Variants in CPNE9 observed in about 807,000 individuals in gnomAD.
The protein encoded by CPNE9 is copine family member 9, also known as copine-9.
Under a neutral mutation model 83.0 loss-of-function variants are expected in CPNE9, and 59 were observed. That is an observed-to-expected ratio of 0.71 (90% CI 0.58 to 0.88). The LOEUF is 0.88. CPNE9 is among the 40% of genes least tolerant of loss of function. The pLI, the probability that CPNE9 is intolerant of heterozygous loss-of-function variation, is 0.00. For synonymous variants in CPNE9, 256 were observed against 273.4 expected (o/e 0.94, Z 0.63); for missense variants, 619 against 720.8 (o/e 0.86, Z 1.62).
At chr3:9,718,279 C>A in intron 16 of CPNE9, 69 bp downstream of exon 16, 3 of 1,484,106 alleles carry the variant, frequency 2.0e-6, no homozygotes, top group Non-Finnish European at 2.8e-6. Context: ...TGATTTTGTT[C>A]TGTTTACATT....
At chr3:9,706,525 G>C (rs1388348401) in intron 7 of CPNE9, among the ~76,000 whole-genome samples, 1 of 152,212 alleles carries the variant, frequency 6.6e-6, no homozygotes, top group Non-Finnish European at 1.5e-5. Flanking sequence ...GTCAGCCACT[G>C]TTAAAGGGGA....
In CPNE9 at chr3:9,718,477, C is replaced by A. The variant is rs1243653614; in HGVS notation, c.1116C>A (p.Asn372Lys). 3 of 1,612,416 alleles carry A rather than the reference C, an allele frequency of 1.9e-6. No homozygotes were observed. The highest frequency in any genetic ancestry group is 2.5e-6 in the Non-Finnish European group (3 of 1,179,394). ...EGRISHQFPL[N>K]NNDEDPNCAG... The stretch of plus-strand genomic sequence containing the variant: ...TGGCAGGGCATATTCTTTGACAGAA[C>A]AACAATGATGAGGACCCCAACTGTG... The change falls in exon 17 of 21, where the codon AAC (asparagine) becomes AAA (lysine). Residue 372 changes from asparagine to lysine, a missense_variant and splice_region_variant. Transcript: ENST00000383832.
intron 7 of CPNE9, among the ~76,000 whole-genome samples, chr3:9,709,544 GT>G (rs1212382249): frequency 6.6e-6 from 1 of 151,114 alleles, no homozygotes; most frequent in Non-Finnish European, 1.5e-5. Flanking sequence ...AATTTTTGTA[GT>G]TTTTAGTAGA....
rs199944974 is a variant in CPNE9, at chr3:9,706,068, G to C, written c.377+5G>C. On this transcript the variant is annotated splice_donor_5th_base_variant and intron_variant, in intron 7 of 20. Coordinates refer to ENST00000383832, the MANE Select transcript of CPNE9 (RefSeq NM_153635.3). ...CCGAGTAGAGCGAACCCTCACGTAAGCTGAATAGGAAGGGGTGTGGGAGTG... is the reference window on the plus strand; with the variant it reads ...CCGAGTAGAGCGAACCCTCACGTAACCTGAATAGGAAGGGGTGTGGGAGTG... The C allele has an allele frequency of 1.5e-5, 25 of 1,613,192 alleles. No individual in the cohort carries two copies. The highest frequency in any genetic ancestry group is 2.0e-5 in the Non-Finnish European group (24 of 1,179,918).
At chr3:9,713,427 T>C (rs1349580216) in intron 10 of CPNE9, among the ~76,000 whole-genome samples, 2 of 151,788 alleles carry the variant, frequency 1.3e-5, no homozygotes, top group African/African-American at 4.8e-5. Context: ...AATTGATGGG[T>C]GGGTAGAGGG....
intron 11 of CPNE9, 147 bp downstream of exon 11, chr3:9,715,102 C>T (rs921704085): frequency 2.2e-6 from 2 of 905,518 alleles, no homozygotes; most frequent in African/African-American, 1.7e-5. Flanking sequence ...CAACTGATCC[C>T]CCCAATTGTC....
rs1376527113 is a variant in CPNE9, at chr3:9,717,745, G to T, written c.932-284G>T. Among the ~76,000 whole-genome samples, 7 of 152,052 alleles carry T rather than the reference G, an allele frequency of 4.6e-5. No homozygotes were observed. In the South Asian group the frequency reaches 1.0e-3, roughly 23 times the overall value. On this transcript the variant is annotated intron_variant, in intron 15 of 20. Coordinates refer to ENST00000383832, the MANE Select transcript of CPNE9 (RefSeq NM_153635.3). ...GGATAGCTGCATAAGAGAATGGAGA[G>T]ATTGGTGGATAAAGATGTATAAGTA...
Position 9,705,736 on chromosome 3 carries a change from G to A in CPNE9, c.300+16G>A. 6.2e-7 allele frequency: 1 copy of A among 1,613,476 alleles called. No homozygotes were observed. The highest frequency in any genetic ancestry group is 8.5e-7 in the Non-Finnish European group (1 of 1,179,542). On this transcript the variant is annotated intron_variant, in intron 6 of 20. Transcript: ENST00000383832. ...CCTGCAGAAGGTGAGGCTGAATGGG[G>A]CTGGGCAGAGGTTGGGGGTGGGGGT... is the stretch of plus-strand genomic sequence containing the variant.
Position 9,718,065 on chromosome 3 carries a change from G to A in CPNE9, c.968G>A (p.Ser323Asn). 6.2e-7 allele frequency: 1 copy of A among 1,614,012 alleles called. No individual in the cohort carries two copies. ...PLQPTSLHYM[S>N]PYQLSAYAMA... The stretch of plus-strand genomic sequence containing the variant: ...CAGCCTACCTCCCTGCACTACATGA[G>A]TCCCTACCAGCTCAGCGCCTATGCC... The change falls in exon 16 of 21, where the codon AGT becomes AAT. Residue 323 changes from serine (S) to asparagine (N), a missense_variant. Physicochemically the swap from Ser to Asn is conservative, Grantham distance 46. Around this residue, in one of 3 missense-constraint regions of CPNE9, gnomAD observed 438 missense variants for 562.9 expected, o/e 0.78. Coordinates refer to ENST00000383832, the MANE Select transcript of CPNE9 (RefSeq NM_153635.3).
At chr3:9,727,036 G>A in intron 19 of CPNE9, 77 bp from the exon 20 acceptor site, 1 of 1,479,898 alleles carries the variant, frequency 6.8e-7, no homozygotes, top group Non-Finnish European at 9.4e-7. Context: ...TGACTCCAAA[G>A]GGGAGCTCAA....
Position 9,727,374 on chromosome 3 carries a change from G to C in CPNE9, c.1476+188G>C, listed in dbSNP as rs1391444555. The C allele has an allele frequency of 1.9e-5, 14 of 753,948 alleles. 1 individual carries two copies. The highest frequency in any genetic ancestry group is 1.0e-4 in the Admixed American group (5 of 50,102). 46.7% of individuals were successfully genotyped at this position (753,948 alleles called of 1,614,324 possible). The stretch of plus-strand genomic sequence containing the variant: ...AGGTTGCTGCAGCCTTGGCACATCC[G>C]TGGTGTAGGTCGGGAGGTCCCCAAG... On this transcript the variant is annotated intron_variant, in intron 20 of 20. Coordinates refer to ENST00000383832, the MANE Select transcript of CPNE9 (RefSeq NM_153635.3).
chr3:9,705,419 T>TACCCCCCCCCCCCCCC, intron 4 of CPNE9, 45 bp from the exon 5 acceptor site: 1 of 662,632 alleles, frequency 1.5e-6, no homozygotes, highest in Non-Finnish European at 2.7e-6. Context: ...TTCCACCCTC[T>TACCCCCCCCCCCCCCC]CCCCCACCCA....
At chr3:9,727,582 T>C in intron 20 of CPNE9, 1 of 602,070 alleles carries the variant, frequency 1.7e-6, no homozygotes, top group South Asian at 2.0e-5. Flanking sequence ...AGGGAGGGGA[T>C]AAGCATTACA....
chr3:9,729,014 A>G (rs1158351389), intron 20 of CPNE9, among the ~76,000 whole-genome samples: 1 of 152,128 alleles, frequency 6.6e-6, no homozygotes, highest in Non-Finnish European at 1.5e-5. Context: ...GTATGAAATC[A>G]TCCAGGAAGA....
At chr3:9,726,574 C>A (rs1163350113) in intron 18 of CPNE9, 91 bp from the exon 19 acceptor site, 2 of 978,998 alleles carry the variant, frequency 2.0e-6, no homozygotes, top group East Asian at 2.4e-5. Flanking sequence ...TGTGCAGAAC[C>A]ATGACACACA....
In CPNE9 at chr3:9,714,923, G is replaced by A. The variant is rs71314360; in HGVS notation, c.660G>A (p.Lys220=). The change falls in exon 11 of 21, where the codon AAG becomes AAA. Residue 220 remains lysine, a synonymous_variant. Coordinates refer to ENST00000383832, the MANE Select transcript of CPNE9 (RefSeq NM_153635.3). ...ATCTCCTACATTTCAGAACGGTGAA[G>A]ATTGATGTGTACGACTGGGACCGGG... ...LCNGDYDRTV[K]IDVYDWDRDG... is the part of the protein sequence containing the mutation. The A allele has an allele frequency of 6.2e-7, 1 of 1,613,846 alleles. No homozygotes were observed.
chr3:9,715,356 G>A lies in CPNE9; in HGVS notation c.760G>A (p.Val254Ile). ...GAGCAAGGCCCAGAACCAGTTCACA[G>A]TATATGAGGTGAGCATTCCAGCCCT... ...ELSKAQNQFT[V>I]YEVLNPRKKC... The change falls in exon 12 of 21, where the codon GTA becomes ATA. Residue 254 changes from valine (V) to isoleucine (I), a missense_variant. By Grantham distance (29) the Val-to-Ile change is conservative. Coordinates refer to ENST00000383832, the MANE Select transcript of CPNE9 (RefSeq NM_153635.3). 1.9e-6 allele frequency: 3 copies of A among 1,614,236 alleles called. No homozygotes were observed. Among genetic ancestry groups the A allele is most frequent in the Non-Finnish European group, 2.5e-6 (3 of 1,180,044 alleles).
At chr3:9,726,077 A>C (rs574537034) in intron 18 of CPNE9, 26 bp downstream of exon 18, 2 of 1,456,126 alleles carry the variant, frequency 1.4e-6, no homozygotes, top group East Asian at 4.8e-5. Flanking sequence ...AGGGCTTGGC[A>C]GGGAGGAGTA....
At chr3:9,718,367 G>A in intron 16 of CPNE9, 108 bp from the exon 17 acceptor site, 2 of 1,481,092 alleles carry the variant, frequency 1.4e-6, no homozygotes, top group Non-Finnish European at 1.8e-6. Context: ...TGGGTTTGGA[G>A]GGGAGCATGA....
Sources: gnomAD v4.1 joint callset for allele counts (sites outside exome capture counted in the v4.1 genomes callset) on GRCh38, gnomAD v4.1.1 for gene constraint, gnomAD v4.1.1 regional missense constraint, MANE v1.5 for transcripts, NCBI Gene and HGNC (gene_info 2026-07-23, HGNC 2026-07-21) for gene names.